The following RAD51B variants were observed in gnomAD, a reference collection of about 807,000 sequenced individuals.
RAD51B encodes the protein DNA repair protein RAD51 homolog 2.
Under a neutral mutation model 42.2 loss-of-function variants are expected in RAD51B, and 38 were observed. The ratio of observed to expected loss-of-function variants is 0.90; its 90% CI spans 0.70 to 1.18. The LOEUF (loss-of-function observed/expected upper bound fraction) is 1.18. Ranked by LOEUF, RAD51B falls within the 50% of genes most tolerant of loss-of-function variation. RAD51B has a pLI of 0.00. For missense variants in RAD51B, 373 were observed against 400.7 expected, an observed-to-expected ratio of 0.93 and a Z score of 0.59; for synonymous variants, 154 against 145.2, an observed-to-expected ratio of 1.06 and a Z score of -0.43.
At chr14:68,659,650 G>T (rs887255768) in intron 11 of RAD51B, among the ~76,000 whole-genome samples, 1 of 152,198 alleles carries the variant, frequency 6.6e-6, no homozygotes, top group Non-Finnish European at 1.5e-5. Flanking sequence ...TCTTTGAAAG[G>T]AGATTCTGGA....
At chr14:68,316,208 G>T (rs1478662871) in intron 8 of RAD51B, among the ~76,000 whole-genome samples, 2 of 152,212 alleles carry the variant, frequency 1.3e-5, no homozygotes, top group Non-Finnish European at 2.9e-5. Context: ...TTTAAACTTT[G>T]TAAGTTCTGC....
chr14:68,086,402 G>A (rs1323028832), intron 7 of RAD51B, among the ~76,000 whole-genome samples: 1 of 152,146 alleles, frequency 6.6e-6, no homozygotes, highest in East Asian at 1.9e-4. Context: ...GGCACAGGAT[G>A]GGGGGCGTGA....
At chr14:68,597,621 T>A (rs892806813), downstream of RAD51B, among the ~76,000 whole-genome samples, 1 of 151,906 alleles carries the variant, frequency 6.6e-6, no homozygotes. Context: ...GAAGGAAACA[T>A]CAAACACTAG....
At chr14:68,087,981 TATATA>T (rs1208776972) in intron 7 of RAD51B, among the ~76,000 whole-genome samples, 5 of 128,838 alleles carry the variant, frequency 3.9e-5, no homozygotes, top group South Asian at 2.2e-4. Flanking sequence ...TATATATAAT[TATATA>T]ATATATTATT....
At chr14:68,044,175 G>A (rs2076261992) in intron 7 of RAD51B, among the ~76,000 whole-genome samples, 1 of 152,162 alleles carries the variant, frequency 6.6e-6, no homozygotes, top group Admixed American at 6.5e-5. Flanking sequence ...GTGCAAGCAA[G>A]CGTCCATCAG....
intron 7 of RAD51B, among the ~76,000 whole-genome samples, chr14:68,126,353 A>G (rs1477578661): frequency 6.6e-6 from 1 of 152,232 alleles, no homozygotes; most frequent in African/African-American, 2.4e-5. Flanking sequence ...ATGCCAAAAA[A>G]AAGTCTCATA....
intron 10 of RAD51B, among the ~76,000 whole-genome samples, chr14:68,587,360 G>A (rs947854384): frequency 3.9e-5 from 6 of 152,128 alleles, no homozygotes; most frequent in African/African-American, 1.4e-4. Flanking sequence ...CTTTGAGCAA[G>A]CCCTGGGAAA....
intron 7 of RAD51B, among the ~76,000 whole-genome samples, chr14:67,898,847 C>A (rs972347095): frequency 6.6e-6 from 1 of 152,134 alleles, no homozygotes; most frequent in Non-Finnish European, 1.5e-5. Flanking sequence ...ATTTAAGAAT[C>A]TATGTAAAAC....
chr14:68,016,907 A>C (rs755126573), intron 7 of RAD51B, among the ~76,000 whole-genome samples: 2 of 152,220 alleles, frequency 1.3e-5, no homozygotes, highest in African/African-American at 2.4e-5. Flanking sequence ...AAAATGCCAT[A>C]AAGTTAAATG....
At chr14:68,286,786 T>C (rs1279979406) in intron 7 of RAD51B, among the ~76,000 whole-genome samples, 1 of 152,180 alleles carries the variant, frequency 6.6e-6, no homozygotes, top group Non-Finnish European at 1.5e-5. Flanking sequence ...TATAGTCTAG[T>C]CATAGCCTAG....
At chr14:68,019,314 A>G (rs140747433) in intron 7 of RAD51B, among the ~76,000 whole-genome samples, 2 of 152,304 alleles carry the variant, frequency 1.3e-5, no homozygotes, top group East Asian at 3.9e-4. Flanking sequence ...CAAATTCTAT[A>G]GTGAATTCAA....
intron 7 of RAD51B, among the ~76,000 whole-genome samples, chr14:67,917,469 G>A (rs1412324124): frequency 6.6e-6 from 1 of 152,130 alleles, no homozygotes; most frequent in Non-Finnish European, 1.5e-5. Flanking sequence ...AGACAGCAGC[G>A]AGCCATGAGG....
At chr14:68,020,319 C>G (rs542099392) in intron 7 of RAD51B, among the ~76,000 whole-genome samples, 1 of 152,182 alleles carries the variant, frequency 6.6e-6, no homozygotes, top group South Asian at 2.1e-4. Context: ...GCTATTTGCC[C>G]AGGCTGGTCT....
chr14:68,620,854 G>A (rs1281576958), intron 10 of RAD51B, among the ~76,000 whole-genome samples: 2 of 152,218 alleles, frequency 1.3e-5, no homozygotes, highest in South Asian at 2.1e-4. Flanking sequence ...GTGGCAGCTC[G>A]GGAGTTTCTG....
In RAD51B at chr14:68,360,296, C is replaced by G. The variant is rs186692602; in HGVS notation, c.854-51128C>G. Among the ~76,000 whole-genome samples the G allele has an allele frequency of 7.2e-5, 11 of 152,368 alleles. No individual in the cohort carries two copies. The East Asian group carries it at 2.1e-3, about 29-fold the overall frequency. On this transcript the variant is annotated intron_variant, in intron 8 of 10. Transcript: ENST00000471583. ...CGCTCCCTCTCCTGGAATGCCTTCTCCCCACCCTTCCCTGGCTGAAGTCCT... is the reference window on the plus strand; with the variant it reads ...CGCTCCCTCTCCTGGAATGCCTTCTGCCCACCCTTCCCTGGCTGAAGTCCT...
intron 10 of RAD51B, among the ~76,000 whole-genome samples, chr14:68,592,775 C>T (rs2140080847): frequency 6.6e-6 from 1 of 152,366 alleles, no homozygotes; most frequent in African/African-American, 2.4e-5. Context: ...AACTGAGGCA[C>T]AGAGCATTTT....
At chr14:68,370,053 T>C (rs1391094820) in intron 8 of RAD51B, among the ~76,000 whole-genome samples, 1 of 152,216 alleles carries the variant, frequency 6.6e-6, no homozygotes, top group Non-Finnish European at 1.5e-5. Context: ...ACTGAACCTA[T>C]TAACCCATTT....
intron 7 of RAD51B, among the ~76,000 whole-genome samples, chr14:68,132,901 C>A (rs2077925487): frequency 6.6e-6 from 1 of 152,200 alleles, no homozygotes; most frequent in Non-Finnish European, 1.5e-5. Context: ...CCAGGTTGGG[C>A]CAAGTGCCCA....
intron 7 of RAD51B, among the ~76,000 whole-genome samples, chr14:68,290,505 C>T (rs1311868650): frequency 6.6e-5 from 10 of 152,116 alleles, no homozygotes; most frequent in East Asian, 1.9e-4. Flanking sequence ...GTGTGGCATT[C>T]GACCACATGA....
Sources: allele counts gnomAD v4.1 joint callset (sites outside exome capture counted in the v4.1 genomes callset), GRCh38; gene constraint gnomAD v4.1.1; transcripts MANE v1.5; gene names NCBI Gene and HGNC (gene_info 2026-07-23, HGNC 2026-07-21).